The following PDE7B variants were observed in gnomAD, a reference collection of about 807,000 sequenced individuals.
PDE7B encodes the protein phosphodiesterase 7B, also known as 3',5'-cyclic-AMP phosphodiesterase 7B.
Under a neutral mutation model 56.2 loss-of-function variants are expected in PDE7B, and 29 were observed. The observed-to-expected ratio is 0.52, with a 90% CI of 0.38 to 0.70. The LOEUF (loss-of-function observed/expected upper bound fraction) is 0.70. Among genes scored for constraint, PDE7B ranks in the 30% least tolerant of loss-of-function variants. The probability of loss-of-function intolerance (pLI) is 0.00; values close to 1 mark genes in which losing one functional copy is unlikely to be tolerated. For synonymous variants in PDE7B, 197 were observed against 196.9 expected, an observed-to-expected ratio of 1.00 and a Z score of 0.00; for missense variants, 490 against 565.0, an observed-to-expected ratio of 0.87 and a Z score of 1.35.
chr6:135,956,114 G>A (rs1408456182), intron 2 of PDE7B, among the ~76,000 whole-genome samples: 1 of 152,148 alleles, frequency 6.6e-6, no homozygotes, highest in African/African-American at 2.4e-5. Context: ...TTCAAAAGGA[G>A]CCTATGGAAG....
chr6:136,008,523 AT>A (rs1268379813), intron 2 of PDE7B, among the ~76,000 whole-genome samples: 3 of 152,216 alleles, frequency 2.0e-5, no homozygotes, highest in African/African-American at 7.2e-5. Context: ...AATGATTGCC[AT>A]TCTAACTAGT....
intron 2 of PDE7B, among the ~76,000 whole-genome samples, chr6:136,011,641 A>T (rs1028042226): frequency 6.6e-6 from 1 of 152,132 alleles, no homozygotes; most frequent in Non-Finnish European, 1.5e-5. Context: ...AATGTGGACT[A>T]ATCAGTGCAG....
Position 136,054,448 on chromosome 6 carries a change from G to T in PDE7B, c.83-54283G>T, listed in dbSNP as rs572132134. On this transcript the variant is annotated intron_variant, in intron 2 of 12. Transcript: ENST00000308191. ...TTGGTACCAGTATCATGCTGTTTTG[G>T]TTACTGTAGACTTGTAGTATAGTTT... Among the ~76,000 whole-genome samples, 270 of 152,178 alleles carry T rather than the reference G, an allele frequency of 1.8e-3. 4 individuals carry two copies. Among genetic ancestry groups the T allele is most frequent in the African/African-American group, 6.0e-3 (248 of 41,520 alleles).
chr6:135,985,667 T>A (rs919152072), intron 2 of PDE7B, among the ~76,000 whole-genome samples: 1 of 152,146 alleles, frequency 6.6e-6, no homozygotes, highest in Non-Finnish European at 1.5e-5. Flanking sequence ...TGCCCAAAAG[T>A]ATTTCTGTCC....
chr6:135,928,152 A>C (rs1447014259), intron 1 of PDE7B, among the ~76,000 whole-genome samples: 2 of 152,002 alleles, frequency 1.3e-5, no homozygotes, highest in African/African-American at 2.4e-5. Context: ...GATGTTGGCA[A>C]GGTTGCAGAG....
chr6:136,060,074 T>C (rs1449462688), intron 2 of PDE7B, among the ~76,000 whole-genome samples: 2 of 152,160 alleles, frequency 1.3e-5, no homozygotes, highest in Non-Finnish European at 2.9e-5. Context: ...TCTTGAAAAA[T>C]TGGAAGACAC....
intron 2 of PDE7B, among the ~76,000 whole-genome samples, chr6:136,050,412 T>TA (rs55900919): frequency 0.49 from 72,001 of 148,066 alleles, 17,253 homozygotes; most frequent in South Asian, 0.53. Flanking sequence ...ACCAGAAAAT[T>TA]AAAAAAAAAA....
chr6:135,872,895 A>T (rs1260773186), intron 1 of PDE7B, among the ~76,000 whole-genome samples: 2 of 152,132 alleles, frequency 1.3e-5, no homozygotes, highest in African/African-American at 4.8e-5. Flanking sequence ...TGAATGAGTG[A>T]ATGTGCTTTA....
intron 8 of PDE7B, among the ~76,000 whole-genome samples, chr6:136,157,955 A>G (rs1409296005): frequency 6.6e-6 from 1 of 152,212 alleles, no homozygotes; most frequent in East Asian, 1.9e-4. Flanking sequence ...GATTCAGTGC[A>G]TACGCTCTCT....
intron 2 of PDE7B, among the ~76,000 whole-genome samples, chr6:136,075,377 A>C (rs1006085641): frequency 6.6e-6 from 1 of 152,216 alleles, no homozygotes; most frequent in African/African-American, 2.4e-5. Flanking sequence ...AACATGCTGA[A>C]CTGTATTCCT....
At position 135,851,874 on chromosome 6, in the gene PDE7B, TACTTAATTATA is replaced by T; in HGVS notation, c.-124_-114del. 1.6e-6 allele frequency: 1 copy of T among 614,414 alleles called. No individual in the cohort carries two copies. The highest frequency in any genetic ancestry group is 2.4e-5 in the South Asian group (1 of 42,392). 38.1% of individuals were successfully genotyped at this position (614,414 alleles called of 1,614,324 possible). ...CTTTTTTTTCTTTTTTTTTTTTTGTTACTTAATTATATTCCTAATCCTGGATGAAGTTGCTG... is the reference window on the plus strand; with the variant it reads ...CTTTTTTTTCTTTTTTTTTTTTTGTTTTCCTAATCCTGGATGAAGTTGCTG... On this transcript the variant is annotated 5_prime_UTR_variant, in exon 1 of 13. Coordinates refer to ENST00000308191, the MANE Select transcript of PDE7B (RefSeq NM_018945.4).
chr6:135,918,625 A>G (rs201275895), intron 1 of PDE7B, among the ~76,000 whole-genome samples: 1 of 113,222 alleles, frequency 8.8e-6, no homozygotes, highest in Non-Finnish European at 1.9e-5. Context: ...AATAAATTAA[A>G]TAAATAAATT....
At chr6:136,056,884 C>G (rs1026316605) in intron 2 of PDE7B, among the ~76,000 whole-genome samples, 2 of 152,000 alleles carry the variant, frequency 1.3e-5, no homozygotes, top group Admixed American at 6.6e-5. Flanking sequence ...TTTTGTTAAT[C>G]TTATGAAAAA....
intron 1 of PDE7B, among the ~76,000 whole-genome samples, chr6:135,943,632 C>G (rs531690825): frequency 6.6e-6 from 1 of 152,106 alleles, no homozygotes; most frequent in African/African-American, 2.4e-5. Context: ...GAGTACAATG[C>G]GAGTGTGAAA....
At chr6:136,040,313 T>G (rs1776391653) in intron 2 of PDE7B, among the ~76,000 whole-genome samples, 1 of 152,174 alleles carries the variant, frequency 6.6e-6, no homozygotes, top group Non-Finnish European at 1.5e-5. Flanking sequence ...GCCTCCTCAC[T>G]CTCAGGGAGA....
intron 2 of PDE7B, among the ~76,000 whole-genome samples, chr6:135,957,932 C>T (rs538030437): frequency 1.3e-5 from 2 of 152,170 alleles, no homozygotes; most frequent in South Asian, 4.1e-4. Context: ...TGTCCAATCA[C>T]ATCAAAACTG....
chr6:136,052,001 TTAAA>T (rs1221677949), intron 2 of PDE7B, among the ~76,000 whole-genome samples: 1 of 151,850 alleles, frequency 6.6e-6, no homozygotes, highest in African/African-American at 2.4e-5. Context: ...AAGTAGGAGT[TTAAA>T]TAAAGATTTA....
chr6:135,888,698 T>C (rs943431412), intron 1 of PDE7B, among the ~76,000 whole-genome samples: 1 of 151,660 alleles, frequency 6.6e-6, no homozygotes, highest in Admixed American at 6.6e-5. Flanking sequence ...ATTATAGGTA[T>C]AAAATAAACA....
intron 3 of PDE7B, among the ~76,000 whole-genome samples, chr6:136,109,201 G>A (rs963903205): frequency 5.9e-5 from 9 of 152,176 alleles, no homozygotes; most frequent in Admixed American, 2.0e-4. Flanking sequence ...GCTGGGTATG[G>A]TGGCACAGCC....
Sources: gnomAD v4.1 joint callset for allele counts (sites outside exome capture counted in the v4.1 genomes callset) on GRCh38, gnomAD v4.1.1 for gene constraint, MANE v1.5 for transcripts, NCBI Gene and HGNC (gene_info 2026-07-23, HGNC 2026-07-21) for gene names.